The following AP4E1 variants were observed in gnomAD, a reference collection of about 807,000 sequenced individuals.
AP4E1 encodes the protein AP-4 complex subunit epsilon-1.
In AP4E1, 56 loss-of-function variants were observed where a neutral mutation model predicts 128.2. The ratio of observed to expected loss-of-function variants is 0.44; its 90% CI spans 0.35 to 0.55. The LOEUF (loss-of-function observed/expected upper bound fraction) is 0.55. Ranked by LOEUF, AP4E1 falls within the 20% of genes least tolerant of loss-of-function variation. The pLI, the probability that AP4E1 is intolerant of heterozygous loss-of-function variation, is 0.00. For missense variants in AP4E1, 1,324 were observed against 1,307.7 expected (o/e 1.01, Z -0.19); for synonymous variants, 484 against 473.1 (o/e 1.02, Z -0.30).
chr15:50,907,922 G>A (rs2063508459), upstream of AP4E1, among the ~76,000 whole-genome samples: 5 of 152,198 alleles, frequency 3.3e-5, no homozygotes, highest in Admixed American at 3.3e-4. Flanking sequence ...TTTACGTAGT[G>A]GCAACTGCGA....
chr15:50,942,345 C>T (rs2063999226), intron 10 of AP4E1, among the ~76,000 whole-genome samples: 1 of 152,134 alleles, frequency 6.6e-6, no homozygotes, highest in Admixed American at 6.6e-5. Context: ...AATATAATTT[C>T]GATCTGAGCA....
rs537713223 is a variant in AP4E1 at position 50,984,038 on chromosome 15, A to G, written c.1983A>G (p.Pro661=). 2.5e-6 allele frequency: 4 copies of G among 1,613,236 alleles called. No individual in the cohort carries two copies. Among genetic ancestry groups the G allele is most frequent in the East Asian group, 4.5e-5 (2 of 44,834 alleles). Residue 661 remains proline (P), a synonymous_variant, in exon 16 of 21, where the codon CCA becomes CCG. Transcript: ENST00000261842. ...AAATTCTAGTTCTCAATTTTGAACCATATGGACTCTCCTTTTCTTCATCTG... is the reference window on the plus strand; with the variant it reads ...AAATTCTAGTTCTCAATTTTGAACCGTATGGACTCTCCTTTTCTTCATCTG... ...LSQEKVLNFE[P]YGLSFSSSGF...
At chr15:50,908,521 T>A, upstream of AP4E1, 1 of 412,604 alleles carries the variant, frequency 2.4e-6, no homozygotes. Flanking sequence ...CCGGAACCGC[T>A]ACCCCGTCGC....
intron 16 of AP4E1, among the ~76,000 whole-genome samples, chr15:50,986,974 C>T (rs1344633715): frequency 1.3e-5 from 2 of 152,160 alleles, no homozygotes; most frequent in Admixed American, 6.5e-5. Context: ...TAATTATTGC[C>T]TCAATTTCAG....
intron 13 of AP4E1, among the ~76,000 whole-genome samples, chr15:50,956,528 C>T (rs2064225159): frequency 6.6e-6 from 1 of 152,186 alleles, no homozygotes; most frequent in Non-Finnish European, 1.5e-5. Flanking sequence ...CACAGTTCCA[C>T]ATGGCTGGGG....
At chr15:50,995,765 G>A (rs1380037755) in intron 17 of AP4E1, among the ~76,000 whole-genome samples, 2 of 151,862 alleles carry the variant, frequency 1.3e-5, no homozygotes, top group Non-Finnish European at 2.9e-5. Context: ...TAACAAAGAT[G>A]TCACTACGGT....
At chr15:50,962,017 A>C (rs2064321894) in intron 14 of AP4E1, among the ~76,000 whole-genome samples, 1 of 150,856 alleles carries the variant, frequency 6.6e-6, no homozygotes, top group African/African-American at 2.4e-5. Context: ...ATAAATAAAT[A>C]AATACAATAC....
At chr15:50,988,601 C>T (rs2064762410) in intron 16 of AP4E1, among the ~76,000 whole-genome samples, 1 of 152,158 alleles carries the variant, frequency 6.6e-6, no homozygotes, top group African/African-American at 2.4e-5. Context: ...AAGTATGAGC[C>T]ACCGTGCCCA....
chr15:50,910,492 A>G (rs1008764791), intron 1 of AP4E1, among the ~76,000 whole-genome samples: 1 of 152,256 alleles, frequency 6.6e-6, no homozygotes, highest in African/African-American at 2.4e-5. Context: ...TAAGACAAGT[A>G]TAAGCATGAC....
rs575862099 is a variant in AP4E1 at position 50,975,974 on chromosome 15, GA to G, written c.1966+7598del. ...AAAGGGACAGAGAGAGAGAGAGAGA[GA>G]GAGAGAAAGAGAGAGAGAGTTCTTT... On this transcript the variant is annotated intron_variant, in intron 15 of 20. Coordinates refer to ENST00000261842, the MANE Select transcript of AP4E1 (RefSeq NM_007347.5). Among the ~76,000 whole-genome samples, 441 of 152,152 alleles carry G rather than the reference GA, an allele frequency of 2.9e-3. 1 individual carries two copies. The highest frequency in any genetic ancestry group is 0.01 in the African/African-American group (423 of 41,504).
intron 15 of AP4E1, among the ~76,000 whole-genome samples, chr15:50,973,660 C>G (rs28477994): frequency 3.3e-4 from 50 of 152,270 alleles, no homozygotes; most frequent in African/African-American, 1.2e-3. Context: ...TAAAAGTGGA[C>G]CCATGCAATA....
chr15:50,923,057 G>A (rs1014252448), intron 3 of AP4E1, among the ~76,000 whole-genome samples: 2 of 152,162 alleles, frequency 1.3e-5, no homozygotes, highest in African/African-American at 2.4e-5. Flanking sequence ...GATAACAGGC[G>A]TGAGCCACCA....
At chr15:50,977,706 G>GTTGTTTTTTTTTTTTTT (rs2064571711) in intron 15 of AP4E1, among the ~76,000 whole-genome samples, 1 of 80,296 alleles carries the variant, frequency 1.2e-5, no homozygotes, top group African/African-American at 4.7e-5. Flanking sequence ...ATCTGTTATG[G>GTTGTTTTTTTTTTTTTT]TTTTTTTTTT....
chr15:50,935,089 GTTAT>G, intron 8 of AP4E1, among the ~76,000 whole-genome samples: 1 of 151,906 alleles, frequency 6.6e-6, no homozygotes, highest in Non-Finnish European at 1.5e-5. Flanking sequence ...TTAAATTTCT[GTTAT>G]TTGTCAGTCC....
intron 16 of AP4E1, among the ~76,000 whole-genome samples, chr15:50,988,038 AT>A (rs2064752683): frequency 6.6e-6 from 1 of 152,104 alleles, no homozygotes; most frequent in Admixed American, 6.6e-5. Flanking sequence ...TACATTCCTC[AT>A]TCTTCTGATA....
At chr15:50,989,981 CAGTCCCT>C (rs2064781823) in intron 16 of AP4E1, among the ~76,000 whole-genome samples, 1 of 152,146 alleles carries the variant, frequency 6.6e-6, no homozygotes, top group African/African-American at 2.4e-5. Context: ...TGCTCTTTTA[CAGTCCCT>C]GGCAACCTGA....
At chr15:50,958,155 C>T (rs1053699348) in intron 13 of AP4E1, among the ~76,000 whole-genome samples, 14 of 152,096 alleles carry the variant, frequency 9.2e-5, no homozygotes, top group African/African-American at 3.1e-4. Context: ...TAAGAACCAT[C>T]ATTACATGAG....
At position 50,925,230 on chromosome 15, in the gene AP4E1, T is replaced by C; in HGVS notation, c.542+11T>C. 1.9e-6 allele frequency: 3 copies of C among 1,611,470 alleles called. No individual in the cohort carries two copies. The highest frequency in any genetic ancestry group is 1.7e-6 in the Non-Finnish European group (2 of 1,177,910). The stretch of plus-strand genomic sequence containing the variant: ...ACTTCAACATTCTAAGTAAGTAAAT[T>C]CTTTTGGGATAGGCATCTATGCCAT... On this transcript the variant is annotated intron_variant, in intron 5 of 20. Transcript: ENST00000261842.
At chr15:50,941,820 T>A (rs755228805) in intron 10 of AP4E1, 45 bp downstream of exon 10, 7 of 1,496,838 alleles carry the variant, frequency 4.7e-6, no homozygotes, top group Non-Finnish European at 6.5e-6. Flanking sequence ...TTAAAATTTT[T>A]AAAAATTTTG....
Sources: allele counts gnomAD v4.1 joint callset (sites outside exome capture counted in the v4.1 genomes callset), GRCh38; gene constraint gnomAD v4.1.1; transcripts MANE v1.5; gene names NCBI Gene and HGNC (gene_info 2026-07-23, HGNC 2026-07-21).